Variants in NALCN observed in about 807,000 individuals in gnomAD.
NALCN encodes sodium leak channel, non-selective, also known as sodium leak channel NALCN.
In NALCN, 111 loss-of-function variants were observed where a neutral mutation model predicts 225.3. That is an observed-to-expected ratio of 0.49 (90% CI 0.42 to 0.58). The LOEUF (loss-of-function observed/expected upper bound fraction) is 0.58, where lower values mean the gene tolerates loss of function less well. Ranked by LOEUF, NALCN falls within the 20% of genes least tolerant of loss-of-function variation. NALCN has a pLI of 0.00. For synonymous variants in NALCN, 764 were observed against 769.0 expected, an observed-to-expected ratio of 0.99 and a Z score of 0.11; for missense variants, 1,378 against 2,202.4, an observed-to-expected ratio of 0.63 and a Z score of 7.49.
At chr13:101,369,449 G>A (rs1025813812) in intron 6 of NALCN, among the ~76,000 whole-genome samples, 1 of 152,090 alleles carries the variant, frequency 6.6e-6, no homozygotes, top group Non-Finnish European at 1.5e-5. Context: ...AATACTTACT[G>A]AAGCAACTCT....
chr13:101,254,888 C>A (rs1213329184), intron 11 of NALCN, among the ~76,000 whole-genome samples: 1 of 16,294 alleles, frequency 6.1e-5, no homozygotes, highest in African/African-American at 1.1e-4. Context: ...GAGACTCTGT[C>A]TCAAAAAAAA....
intron 7 of NALCN, among the ~76,000 whole-genome samples, chr13:101,298,394 G>A (rs967484303): frequency 1.3e-4 from 19 of 150,654 alleles, no homozygotes; most frequent in African/African-American, 3.7e-4. Context: ...TGATCTCAAC[G>A]CACTGCAACC....
intron 7 of NALCN, among the ~76,000 whole-genome samples, chr13:101,343,653 G>A (rs1401931404): frequency 6.6e-6 from 1 of 152,182 alleles, no homozygotes; most frequent in Non-Finnish European, 1.5e-5. Flanking sequence ...TAAATTAACA[G>A]TACAGCTATA....
chr13:101,142,138 CTTTTTTTTTTTT>C (rs33925974), intron 17 of NALCN, among the ~76,000 whole-genome samples: 3 of 97,026 alleles, frequency 3.1e-5, no homozygotes, highest in Admixed American at 2.5e-4. Flanking sequence ...CATTCTATGT[CTTTTTTTTTTTT>C]TTTTTTTTTG....
intron 7 of NALCN, among the ~76,000 whole-genome samples, chr13:101,316,922 A>T (rs2044574054): frequency 6.6e-6 from 1 of 152,198 alleles, no homozygotes; most frequent in Non-Finnish European, 1.5e-5. Context: ...AATGTATTTG[A>T]TGTAGTTTTT....
intron 6 of NALCN, among the ~76,000 whole-genome samples, chr13:101,346,087 C>CTCTCTCTATATATATATATA: frequency 1.2e-3 from 86 of 70,956 alleles, no homozygotes; most frequent in African/African-American, 1.6e-3. Context: ...CTCTCTCTCT[C>CTCTCTCTATATATATATATA]TATATATATA....
At position 101,104,181 on chromosome 13, in the gene NALCN, T is replaced by G; in HGVS notation, c.2889+114A>C. The stretch of plus-strand genomic sequence containing the variant: ...ACTACTCTAGAGTCCATTTAAGAAT[T>G]CGGTTAGGGAATCTAAGCCTCTGTA... On this transcript the variant is annotated intron_variant, in intron 25 of 43. Coordinates refer to ENST00000251127, the MANE Select transcript of NALCN (RefSeq NM_052867.4). This position sits in a 1 kb window ranked among gnomAD's most constrained non-coding sequence, Gnocchi z 4.2. 1 of 1,276,676 alleles carries G rather than the reference T, an allele frequency of 7.8e-7. No homozygotes were observed. The highest frequency in any genetic ancestry group is 1.6e-5 in the South Asian group (1 of 63,880). The allele number at this position is 1,276,676 out of a possible 1,614,324, so 79.1% of individuals were successfully genotyped here. A position where few individuals can be genotyped will look rare whatever the true frequency, so the allele number is the denominator to read the frequency against.
At chr13:101,354,013 T>C (rs937096144) in intron 6 of NALCN, among the ~76,000 whole-genome samples, 3 of 152,170 alleles carry the variant, frequency 2.0e-5, no homozygotes, top group Non-Finnish European at 1.5e-5. Context: ...TGGGTTAGGA[T>C]AAGGCAATGA....
At chr13:101,340,138 G>T (rs2045510451) in intron 7 of NALCN, among the ~76,000 whole-genome samples, 1 of 151,962 alleles carries the variant, frequency 6.6e-6, no homozygotes, top group African/African-American at 2.4e-5. Context: ...CATGGTGATG[G>T]GCGCCTGTAG....
rs1449011467 is a variant in NALCN at position 101,337,312 on chromosome 13, ATTTATTTATTTT to A, written c.799+7942_799+7953del. ...TATTTATTTATTTATTTATTTATTT[ATTTATTTATTTT>A]TTGAGACAGAGTCTTGCTCTGTTGC... On this transcript the variant is annotated intron_variant, in intron 7 of 43. Transcript: ENST00000251127. Among the ~76,000 whole-genome samples, 50 of 147,226 alleles carry A rather than the reference ATTTATTTATTTT, an allele frequency of 3.4e-4. 1 individual carries two copies. Among genetic ancestry groups the A allele is most frequent in the African/African-American group, 1.2e-3 (47 of 37,978 alleles).
chr13:101,058,244 G>A lies in NALCN; in HGVS notation c.4906-188C>T, dbSNP rs12584362. The A allele has an allele frequency of 0.014, 8,191 of 572,210 alleles. 290 individuals are homozygous for A. Among genetic ancestry groups the A allele is most frequent in the East Asian group, 0.1 (3,445 of 33,678 alleles). 35.4% of individuals were successfully genotyped at this position (572,210 alleles called of 1,614,324 possible). On this transcript the variant is annotated intron_variant, in intron 42 of 43. Transcript: ENST00000251127. ...AGAAGAAAAAGAGCCACCACTGCAC[G>A]CCCTGCTGAAGGAGACACCACTCTT...
intron 6 of NALCN, among the ~76,000 whole-genome samples, chr13:101,360,016 A>C (rs2046182840): frequency 6.6e-6 from 1 of 152,112 alleles, no homozygotes; most frequent in Non-Finnish European, 1.5e-5. Flanking sequence ...CAAAAATGTA[A>C]TAAAAGAAAT....
intron 33 of NALCN, among the ~76,000 whole-genome samples, chr13:101,081,978 A>G (rs1454924964): frequency 1.3e-5 from 2 of 152,038 alleles, no homozygotes; most frequent in African/African-American, 4.8e-5. Context: ...CCCGGGTTCA[A>G]GCAATTCTCC....
At chr13:101,239,302 A>T (rs1356836627) in intron 11 of NALCN, among the ~76,000 whole-genome samples, 8 of 151,878 alleles carry the variant, frequency 5.3e-5, no homozygotes. Flanking sequence ...CTTTCTATAC[A>T]CTTATTATGT....
At chr13:101,414,074 C>T (rs1045399535) in intron 1 of NALCN, among the ~76,000 whole-genome samples, 2 of 144,992 alleles carry the variant, frequency 1.4e-5, no homozygotes, top group African/African-American at 5.2e-5. Flanking sequence ...TTTGTAGAGA[C>T]GGGGTTTCAC....
At chr13:101,347,690 G>A (rs1388583830) in intron 6 of NALCN, among the ~76,000 whole-genome samples, 1 of 152,136 alleles carries the variant, frequency 6.6e-6, no homozygotes, top group Admixed American at 6.6e-5. Flanking sequence ...GCCATTTACT[G>A]GTTGTGTGAC....
intron 14 of NALCN, 35 bp downstream of exon 14, chr13:101,191,882 C>A (rs188710768): frequency 1.9e-6 from 3 of 1,577,858 alleles, no homozygotes; most frequent in East Asian, 4.6e-5. Context: ...ATTATAAATT[C>A]CAAGATATAA....
chr13:101,251,252 T>A (rs2042053447), intron 11 of NALCN, among the ~76,000 whole-genome samples: 1 of 152,148 alleles, frequency 6.6e-6, no homozygotes, highest in Non-Finnish European at 1.5e-5. Context: ...CCCATTGCCC[T>A]TACATGCAGA....
At chr13:101,352,575 AT>A (rs955917477) in intron 6 of NALCN, among the ~76,000 whole-genome samples, 16 of 152,302 alleles carry the variant, frequency 1.1e-4, no homozygotes, top group Admixed American at 9.2e-4. Context: ...TACAAAAGCA[AT>A]TTTTAAACTA....
Sources: allele counts gnomAD v4.1 joint callset (sites outside exome capture counted in the v4.1 genomes callset), GRCh38; gene constraint gnomAD v4.1.1; non-coding constraint Gnocchi (gnomAD v3.1); transcripts MANE v1.5; gene names NCBI Gene and HGNC (gene_info 2026-07-23, HGNC 2026-07-21).